Variants in DPP10 observed in about 807,000 individuals in gnomAD.
DPP10 encodes dipeptidyl peptidase like 10, also known as inactive dipeptidyl peptidase 10.
In DPP10, 33 loss-of-function variants were observed where a neutral mutation model predicts 120.9. That is an observed-to-expected ratio of 0.27 (90% CI 0.21 to 0.37). The LOEUF is 0.37. DPP10 is among the 10% of genes least tolerant of loss of function. The pLI, the probability that DPP10 is intolerant of heterozygous loss-of-function variation, is 1.00. For missense variants in DPP10, 816 were observed against 942.8 expected (o/e 0.87, Z 1.76); for synonymous variants, 337 against 326.1 (o/e 1.03, Z -0.36).
chr2:115,759,706 T>C (rs1679866816), intron 11 of DPP10, among the ~76,000 whole-genome samples: 1 of 28,720 alleles, frequency 3.5e-5, no homozygotes, highest in African/African-American at 8.2e-5. Context: ...CACATATACA[T>C]TCATATATAA....
intron 5 of DPP10, among the ~76,000 whole-genome samples, chr2:115,554,000 TTCA>T (rs2080046665): frequency 3.6e-5 from 2 of 55,068 alleles, no homozygotes; most frequent in Non-Finnish European, 7.3e-5. Context: ...CTCTCTCTCT[TTCA>T]CACACACACA....
At chr2:115,254,030 G>T (rs1002951337) in intron 1 of DPP10, among the ~76,000 whole-genome samples, 9 of 151,758 alleles carry the variant, frequency 5.9e-5, no homozygotes, top group Non-Finnish European at 1.3e-4. Context: ...AAGCTCCCAA[G>T]CCTTCTTAAC....
At chr2:115,800,980 T>G (rs1202209101) in intron 19 of DPP10, among the ~76,000 whole-genome samples, 2 of 152,314 alleles carry the variant, frequency 1.3e-5, no homozygotes, top group East Asian at 3.9e-4. Flanking sequence ...AGAAAGTCAT[T>G]GGTAGCTTGA....
chr2:114,789,610 G>A (rs1417903516), intron 1 of DPP10, among the ~76,000 whole-genome samples: 2 of 152,190 alleles, frequency 1.3e-5, no homozygotes, highest in South Asian at 2.1e-4. Context: ...AGTGTGACAA[G>A]CCCTGATTTA....
At chr2:115,064,846 G>A in intron 1 of DPP10, 12 of 1,303,090 alleles carry the variant, frequency 9.2e-6, no homozygotes, top group Non-Finnish European at 1.2e-5. Flanking sequence ...CTTCTTTCTA[G>A]CAGGGTTTCT....
At chr2:115,279,646 TTTC>T (rs1559356855) in intron 1 of DPP10, among the ~76,000 whole-genome samples, 2 of 141,604 alleles carry the variant, frequency 1.4e-5, no homozygotes, top group Non-Finnish European at 1.5e-5. Flanking sequence ...TCTTTCTTTT[TTTC>T]TTCTTCTTTT....
chr2:115,214,214 C>T (rs2105369263), intron 1 of DPP10, among the ~76,000 whole-genome samples: 1 of 152,160 alleles, frequency 6.6e-6, no homozygotes, highest in Non-Finnish European at 1.5e-5. Flanking sequence ...GGTCTGGGTG[C>T]CAAGTCAATG....
intron 5 of DPP10, among the ~76,000 whole-genome samples, chr2:115,566,987 A>G (rs1366761914): frequency 1.3e-5 from 2 of 152,164 alleles, no homozygotes; most frequent in Non-Finnish European, 2.9e-5. Flanking sequence ...TCAGCCTTAT[A>G]AGAGACGTAA....
At chr2:115,730,266 T>C (rs1377603434) in intron 8 of DPP10, among the ~76,000 whole-genome samples, 2 of 152,064 alleles carry the variant, frequency 1.3e-5, no homozygotes, top group African/African-American at 4.8e-5. Flanking sequence ...GACTCTAAAA[T>C]TGATGAGACA....
At chr2:115,383,602 G>C (rs556025309) in intron 3 of DPP10, among the ~76,000 whole-genome samples, 1 of 152,226 alleles carries the variant, frequency 6.6e-6, no homozygotes, top group Admixed American at 6.5e-5. Flanking sequence ...TAGTCTTCCT[G>C]AGAAATGTCC....
intron 1 of DPP10, among the ~76,000 whole-genome samples, chr2:114,822,813 G>C (rs1391359599): frequency 6.6e-6 from 1 of 152,138 alleles, no homozygotes; most frequent in Non-Finnish European, 1.5e-5. Flanking sequence ...AATGCCACCA[G>C]TCTCTTTGCA....
chr2:115,239,097 C>T (rs545843269), intron 1 of DPP10, among the ~76,000 whole-genome samples: 16 of 152,254 alleles, frequency 1.1e-4, no homozygotes, highest in African/African-American at 3.8e-4. Context: ...TGGTGCCCCC[C>T]CCAGATTAAG....
intron 9 of DPP10, among the ~76,000 whole-genome samples, chr2:115,742,824 A>G (rs771481904): frequency 1.4e-4 from 21 of 152,132 alleles, no homozygotes; most frequent in Non-Finnish European, 2.5e-4. Flanking sequence ...ATTAAACTAG[A>G]TGAAAATGAG....
chr2:114,788,105 A>G (rs1270717594), intron 1 of DPP10, among the ~76,000 whole-genome samples: 1 of 152,158 alleles, frequency 6.6e-6, no homozygotes. Flanking sequence ...TCATATATAC[A>G]TATATGAGTG....
intron 1 of DPP10, among the ~76,000 whole-genome samples, chr2:114,875,753 CTA>C (rs1377046648): frequency 3.3e-5 from 5 of 152,092 alleles, no homozygotes; most frequent in African/African-American, 1.2e-4. Flanking sequence ...AAACATACTT[CTA>C]TGTCACATGC....
chr2:114,683,499 C>CCCTTT (rs1699159473), intron 1 of DPP10, among the ~76,000 whole-genome samples: 1 of 150,944 alleles, frequency 6.6e-6, no homozygotes, highest in South Asian at 2.1e-4. Flanking sequence ...CCCTTCCCTT[C>CCCTTT]CCTTTCCTTC....
intron 1 of DPP10, among the ~76,000 whole-genome samples, chr2:114,735,073 G>A (rs935822692): frequency 6.6e-6 from 1 of 152,018 alleles, no homozygotes; most frequent in African/African-American, 2.4e-5. Flanking sequence ...CCACCTTAAT[G>A]ATCTCATTAA....
intron 1 of DPP10, among the ~76,000 whole-genome samples, chr2:114,857,129 C>T (rs1689428808): frequency 6.6e-6 from 1 of 152,130 alleles, no homozygotes; most frequent in Admixed American, 6.5e-5. Context: ...AGTCCAAATC[C>T]TATCATTTTT....
chr2:114,981,072 G>A (rs1700060727), intron 1 of DPP10, among the ~76,000 whole-genome samples: 2 of 151,434 alleles, frequency 1.3e-5, no homozygotes, highest in African/African-American at 4.9e-5. Flanking sequence ...CTATTGATAG[G>A]AGAGTAAATT....
Sources: allele counts gnomAD v4.1 joint callset (sites outside exome capture counted in the v4.1 genomes callset), GRCh38; gene constraint gnomAD v4.1.1; transcripts MANE v1.5; gene names NCBI Gene and HGNC (gene_info 2026-07-23, HGNC 2026-07-21).